Variants in JADE2 observed in about 807,000 individuals in gnomAD.
The protein encoded by JADE2 is jade family PHD finger 2.
A neutral mutation model predicts 85.7 loss-of-function variants in JADE2; 13 were observed. That is an observed-to-expected ratio of 0.15 (90% CI 0.10 to 0.24). The LOEUF (loss-of-function observed/expected upper bound fraction) is 0.24, where lower values mean the gene tolerates loss of function less well. Ranked by LOEUF, JADE2 falls within the 10% of genes least tolerant of loss-of-function variation. The pLI is 1.00. For synonymous variants in JADE2, 440 were observed against 456.1 expected (o/e 0.96, Z 0.45); for missense variants, 846 against 1,115.9 (o/e 0.76, Z 3.45).
At chr5:134,527,158 G>GCCCCGC (rs1268334174) in intron 1 of JADE2, among the ~76,000 whole-genome samples, 1 of 149,606 alleles carries the variant, frequency 6.7e-6, no homozygotes, top group Non-Finnish European at 1.5e-5. Flanking sequence ...CGGATCCCCG[G>GCCCCGC]CCCCGCCCCG....
intron 1 of JADE2, among the ~76,000 whole-genome samples, chr5:134,534,215 A>G (rs925817158): frequency 2.0e-5 from 3 of 152,122 alleles, no homozygotes; most frequent in Non-Finnish European, 2.9e-5. Flanking sequence ...CTCCTCTGCA[A>G]AAGGGAAGCA....
chr5:134,564,271 C>G (rs1763501525), intron 7 of JADE2: 2 of 442,528 alleles, frequency 4.5e-6, no homozygotes, highest in Admixed American at 4.0e-5. Flanking sequence ...CTCAGATGAG[C>G]ACACACTAAC....
chr5:134,538,925 C>T lies in JADE2; in HGVS notation c.153+842C>T, dbSNP rs371253724. On this transcript the variant is annotated intron_variant, in intron 3 of 11. Coordinates refer to ENST00000681547, the MANE Select transcript of JADE2 (RefSeq NM_001388185.1). ...AGGCTGGAGTGCAGTGGCATGATCT[C>T]GGCTCACTTCAACCTCTGCCTCCTG... 3.2e-3 allele frequency among the ~76,000 whole-genome samples: 492 copies of T among 151,482 alleles called. 3 individuals carry two copies. The highest frequency in any genetic ancestry group is 0.011 in the African/African-American group (471 of 41,302).
At chr5:134,571,646 A>G (rs1764026595) in intron 9 of JADE2, among the ~76,000 whole-genome samples, 1 of 152,176 alleles carries the variant, frequency 6.6e-6, no homozygotes. Flanking sequence ...GCAGTGAGCC[A>G]AGACTGTGCC....
At chr5:134,557,418 T>C (rs1475525706) in intron 4 of JADE2, among the ~76,000 whole-genome samples, 8 of 141,582 alleles carry the variant, frequency 5.7e-5, no homozygotes, top group Non-Finnish European at 1.2e-4. Context: ...TTAGGGTACA[T>C]GTGCACATTG....
At chr5:134,531,288 T>G (rs1761218160) in intron 1 of JADE2, among the ~76,000 whole-genome samples, 1 of 152,126 alleles carries the variant, frequency 6.6e-6, no homozygotes, top group Non-Finnish European at 1.5e-5. Context: ...AGGAAGGGGA[T>G]AGTGGTCAGT....
chr5:134,553,873 T>C (rs1342516533), intron 4 of JADE2, among the ~76,000 whole-genome samples: 2 of 152,220 alleles, frequency 1.3e-5, no homozygotes, highest in African/African-American at 4.8e-5. Context: ...GGAGGCCACA[T>C]GGCCCTGGGT....
rs139765690 is a variant in JADE2, at chr5:134,578,603, C to T, written c.1791C>T (p.Asn597=). The change falls in exon 12 of 12, where the codon AAC becomes AAT. Residue 597 remains asparagine, a synonymous_variant. Transcript: ENST00000681547. This position sits in a 1 kb window ranked among gnomAD's most constrained non-coding sequence, Gnocchi z 4.4. ...ENMAMSEWPL[N]NGHREDPAPG... is the part of the protein sequence containing the mutation. Reference sequence around the variant, plus strand: ...TGGCCATGAGCGAGTGGCCACTGAACAATGGGCACCGCGAGGACCCTGCTC... The same window carrying T: ...TGGCCATGAGCGAGTGGCCACTGAATAATGGGCACCGCGAGGACCCTGCTC... 5.6e-6 allele frequency: 9 copies of T among 1,614,062 alleles called. No homozygotes were observed. The highest frequency in any genetic ancestry group is 6.8e-6 in the Non-Finnish European group (8 of 1,180,044).
intron 3 of JADE2, among the ~76,000 whole-genome samples, chr5:134,543,401 G>A (rs959344750): frequency 2.6e-5 from 4 of 151,384 alleles, no homozygotes; most frequent in African/African-American, 7.3e-5. Flanking sequence ...GGCCCGGTGC[G>A]GTGGCTCATG....
chr5:134,540,822 C>T (rs184966336), intron 3 of JADE2, among the ~76,000 whole-genome samples: 236 of 152,320 alleles, frequency 1.5e-3, no homozygotes, highest in African/African-American at 5.3e-3. Flanking sequence ...CTCCAATCTC[C>T]AGTGGGAGGA....
At chr5:134,526,200 G>A in intron 1 of JADE2, 189 bp downstream of exon 1, 1 of 985,512 alleles carries the variant, frequency 1.0e-6, no homozygotes, top group East Asian at 1.1e-4. Context: ...ACAGGGGAGA[G>A]AGATTGCGCA....
At chr5:134,571,913 T>A (rs1308563041) in intron 9 of JADE2, among the ~76,000 whole-genome samples, 2 of 152,232 alleles carry the variant, frequency 1.3e-5, no homozygotes, top group Non-Finnish European at 2.9e-5. Flanking sequence ...TCCCACTGGC[T>A]GCTTGTGTGT....
chr5:134,571,675 C>T (rs1217882812), intron 9 of JADE2, among the ~76,000 whole-genome samples: 1 of 152,098 alleles, frequency 6.6e-6, no homozygotes, highest in African/African-American at 2.4e-5. Flanking sequence ...CCAGCCTAGG[C>T]GACAGACCGA....
intron 1 of JADE2, among the ~76,000 whole-genome samples, chr5:134,528,244 T>A (rs556295811): frequency 1.3e-5 from 2 of 152,110 alleles, no homozygotes; most frequent in Non-Finnish European, 2.9e-5. Context: ...AAATTCCCAG[T>A]AGGACATTTG....
chr5:134,561,790 T>G (rs576547644), intron 6 of JADE2, among the ~76,000 whole-genome samples: 96 of 152,336 alleles, frequency 6.3e-4, no homozygotes, highest in African/African-American at 1.9e-3. Context: ...GGGTGCAACC[T>G]TCTTCATGGG....
chr5:134,557,366 T>C (rs1581445104), intron 4 of JADE2, among the ~76,000 whole-genome samples: 1 of 135,432 alleles, frequency 7.4e-6, no homozygotes, highest in African/African-American at 2.9e-5. Flanking sequence ...TCTTTTACAT[T>C]GAAAATAACT....
In JADE2 at chr5:134,564,573, G is replaced by T; in HGVS notation, c.932G>T (p.Cys311Phe). Residue 311 changes from cysteine (C) to phenylalanine (F), a missense_variant, in exon 8 of 12, where the codon TGC becomes TTC. By Grantham distance (205) the Cys-to-Phe change is radical (BLOSUM62 -2). Coordinates refer to ENST00000681547, the MANE Select transcript of JADE2 (RefSeq NM_001388185.1). ...CCAGCCAGCCGCTGGGCTCTGTCCT[G>T]CAGCCTCTGCAAGGAATGCACAGGC... ...HIPASRWALS[C>F]SLCKECTGTC... 6.4e-7 allele frequency: 1 copy of T among 1,563,100 alleles called. No individual in the cohort carries two copies.
At chr5:134,563,889 T>A (rs2149984813) in intron 7 of JADE2, among the ~76,000 whole-genome samples, 1 of 152,242 alleles carries the variant, frequency 6.6e-6, no homozygotes, top group Middle Eastern at 3.4e-3. Context: ...GGGAGACAAA[T>A]GTGCCCTGCC....
In JADE2 at chr5:134,566,061, C is replaced by T; in HGVS notation, c.970-55C>T. ...GCCCTGGGGGAAGCCCCTCTGTCTT[C>T]TCCCCTCCCACCAGGCTCCCTCCAT... is the stretch of plus-strand genomic sequence containing the variant. On this transcript the variant is annotated intron_variant, in intron 8 of 11. Coordinates refer to ENST00000681547, the MANE Select transcript of JADE2 (RefSeq NM_001388185.1). This position sits in a 1 kb window ranked among gnomAD's most constrained non-coding sequence, Gnocchi z 6.7. The T allele has an allele frequency of 6.8e-7, 1 of 1,477,544 alleles. No individual in the cohort carries two copies. The highest frequency in any genetic ancestry group is 9.3e-7 in the Non-Finnish European group (1 of 1,071,384). The allele number at this position is 1,477,544 out of a possible 1,614,324, so 91.5% of individuals were successfully genotyped here.
Sources: gnomAD v4.1 joint callset for allele counts (sites outside exome capture counted in the v4.1 genomes callset) on GRCh38, gnomAD v4.1.1 for gene constraint, Gnocchi (gnomAD v3.1) non-coding constraint, MANE v1.5 for transcripts, NCBI Gene and HGNC (gene_info 2026-07-23, HGNC 2026-07-21) for gene names.